The following WDR70 variants were observed in gnomAD, a reference collection of about 807,000 sequenced individuals.
The protein encoded by WDR70 is WD repeat-containing protein 70.
Under a neutral mutation model 88.6 loss-of-function variants are expected in WDR70, and 53 were observed. The ratio of observed to expected loss-of-function variants is 0.60; its 90% CI spans 0.48 to 0.75. The LOEUF is 0.75. Ranked by LOEUF, WDR70 falls within the 30% of genes least tolerant of loss-of-function variation. The probability of loss-of-function intolerance (pLI) is 0.00; values close to 1 mark genes in which losing one functional copy is unlikely to be tolerated. For missense variants in WDR70, 610 were observed against 823.2 expected, an observed-to-expected ratio of 0.74 and a Z score of 3.17; for synonymous variants, 280 against 270.0, an observed-to-expected ratio of 1.04 and a Z score of -0.36.
chr5:37,726,102 A>C (rs1452583129), intron 16 of WDR70, among the ~76,000 whole-genome samples: 1 of 152,068 alleles, frequency 6.6e-6, no homozygotes, highest in Non-Finnish European at 1.5e-5. Context: ...GCTTTCACAA[A>C]TTGGATCCAT....
chr5:37,680,127 T>G (rs192481756), intron 10 of WDR70, among the ~76,000 whole-genome samples: 1 of 152,290 alleles, frequency 6.6e-6, no homozygotes, highest in Admixed American at 6.5e-5. Flanking sequence ...TGGTTTTGAT[T>G]TGCATTTGTC....
At chr5:37,586,665 TC>T (rs78823996) in intron 9 of WDR70, among the ~76,000 whole-genome samples, 70,929 of 151,430 alleles carry the variant, frequency 0.47, 18,152 homozygotes, top group Non-Finnish European at 0.58. Flanking sequence ...GCACACACCT[TC>T]TTTTTAAAAG....
intron 8 of WDR70, among the ~76,000 whole-genome samples, chr5:37,499,744 G>A (rs1447505415): frequency 2.0e-5 from 3 of 151,494 alleles, no homozygotes; most frequent in Admixed American, 6.6e-5. Flanking sequence ...TTATAGATAC[G>A]GGTTTGGCAT....
At chr5:37,573,443 A>C (rs1742967792) in intron 9 of WDR70, among the ~76,000 whole-genome samples, 1 of 151,850 alleles carries the variant, frequency 6.6e-6, no homozygotes. Context: ...GGATTGTTAC[A>C]TATGTATACA....
intron 8 of WDR70, among the ~76,000 whole-genome samples, chr5:37,513,361 C>T (rs574150164): frequency 8.6e-5 from 13 of 151,978 alleles, no homozygotes; most frequent in South Asian, 4.2e-4. Flanking sequence ...AGCTTTCCAG[C>T]GTAGGGAAAG....
intron 17 of WDR70, among the ~76,000 whole-genome samples, chr5:37,731,337 A>G (rs1381283455): frequency 1.3e-5 from 2 of 152,186 alleles, no homozygotes; most frequent in South Asian, 4.1e-4. Flanking sequence ...TGTAATGTCA[A>G]TGTGGTTGTT....
chr5:37,556,993 A>C (rs1742310718), intron 9 of WDR70, among the ~76,000 whole-genome samples: 1 of 152,184 alleles, frequency 6.6e-6, no homozygotes, highest in Non-Finnish European at 1.5e-5. Context: ...GAGGGGTTTC[A>C]CTGGGCTTAA....
intron 7 of WDR70, among the ~76,000 whole-genome samples, chr5:37,471,999 A>T (rs1313529704): frequency 6.6e-6 from 1 of 151,708 alleles, no homozygotes; most frequent in East Asian, 1.9e-4. Flanking sequence ...GGTTTTTAAC[A>T]TGTCAGCATT....
chr5:37,484,962 C>T (rs1211820319), intron 8 of WDR70, among the ~76,000 whole-genome samples: 1 of 152,148 alleles, frequency 6.6e-6, no homozygotes, highest in East Asian at 1.9e-4. Context: ...CCATGGCTAA[C>T]ATTGATAGTA....
At chr5:37,656,198 C>T (rs187482611) in intron 10 of WDR70, among the ~76,000 whole-genome samples, 9 of 152,262 alleles carry the variant, frequency 5.9e-5, no homozygotes, top group African/African-American at 1.7e-4. Context: ...TAGTCAGGCC[C>T]CTCTTCTGCA....
intron 10 of WDR70, among the ~76,000 whole-genome samples, chr5:37,608,745 A>G (rs185760333): frequency 6.6e-6 from 1 of 151,984 alleles, no homozygotes; most frequent in East Asian, 1.9e-4. Context: ...TTTTATAGAG[A>G]TGGAGGGCTC....
intron 9 of WDR70, among the ~76,000 whole-genome samples, chr5:37,603,537 A>G (rs1044438301): frequency 5.9e-5 from 9 of 152,334 alleles, no homozygotes; most frequent in Admixed American, 3.9e-4. Context: ...CCTTCCTGAC[A>G]TTCGTCTGGG....
chr5:37,743,569 A>G (rs1034840172), intron 17 of WDR70, among the ~76,000 whole-genome samples: 5 of 152,144 alleles, frequency 3.3e-5, no homozygotes, highest in African/African-American at 1.2e-4. Flanking sequence ...TCCAGGCTGC[A>G]TTTTTCCCCT....
chr5:37,449,201 C>T (rs1336580285), intron 7 of WDR70, among the ~76,000 whole-genome samples: 1 of 152,154 alleles, frequency 6.6e-6, no homozygotes, highest in Non-Finnish European at 1.5e-5. Context: ...CTTGTTTCAA[C>T]TGTGGTGATT....
chr5:37,568,295 G>T (rs1202796537), intron 9 of WDR70, among the ~76,000 whole-genome samples: 2 of 152,134 alleles, frequency 1.3e-5, no homozygotes, highest in African/African-American at 4.8e-5. Flanking sequence ...TGTTGAGAAG[G>T]TCTATGACCT....
intron 13 of WDR70, among the ~76,000 whole-genome samples, chr5:37,707,948 A>AAATAT (rs1561083728): frequency 3.0e-5 from 1 of 33,776 alleles, no homozygotes; most frequent in African/African-American, 1.0e-4. Context: ...AAAAAAAAAA[A>AAATAT]ATATATATAT....
chr5:37,731,584 T>C (rs950915499), intron 17 of WDR70, among the ~76,000 whole-genome samples: 2 of 152,100 alleles, frequency 1.3e-5, no homozygotes, highest in African/African-American at 4.8e-5. Flanking sequence ...GTATTTTCCA[T>C]TATTATTAGG....
rs62360197 is a variant in WDR70, at chr5:37,384,268, A to G, written c.175+2583A>G. Among the ~76,000 whole-genome samples, 668 of 144,612 alleles carry G rather than the reference A, an allele frequency of 4.6e-3. 4 individuals are homozygous for G. The highest frequency in any genetic ancestry group is 6.5e-3 in the Non-Finnish European group (436 of 66,980). 94.9% of individuals were successfully genotyped at this position (144,612 alleles called of 152,430 possible). A position where few individuals can be genotyped will look rare whatever the true frequency, so the allele number is the denominator to read the frequency against. On this transcript the variant is annotated intron_variant, in intron 3 of 17. Coordinates refer to ENST00000265107, the MANE Select transcript of WDR70 (RefSeq NM_018034.4). Reference sequence around the variant, plus strand: ...ATGACCTTGCCTCACTGCAGACTCCACTTCCCAGGCTCAGGTAATCCTGCC... The same window carrying G: ...ATGACCTTGCCTCACTGCAGACTCCGCTTCCCAGGCTCAGGTAATCCTGCC...
chr5:37,747,110 T>C (rs970050174), intron 17 of WDR70, among the ~76,000 whole-genome samples: 11 of 152,128 alleles, frequency 7.2e-5, no homozygotes, highest in African/African-American at 2.7e-4. Context: ...GCAAGGCTGG[T>C]TCAACATACG....
Sources: gnomAD v4.1 joint callset for allele counts (sites outside exome capture counted in the v4.1 genomes callset) on GRCh38, gnomAD v4.1.1 for gene constraint, MANE v1.5 for transcripts, NCBI Gene and HGNC (gene_info 2026-07-23, HGNC 2026-07-21) for gene names.